Variants in HECW2 observed in about 807,000 individuals in gnomAD.
HECW2 encodes the protein E3 ubiquitin-protein ligase HECW2.
Under a neutral mutation model 175.2 loss-of-function variants are expected in HECW2, and 61 were observed. That is an observed-to-expected ratio of 0.35 (90% confidence interval 0.28 to 0.43). The LOEUF (loss-of-function observed/expected upper bound fraction) is 0.43, where lower values mean the gene tolerates loss of function less well. HECW2 is among the 20% of genes least tolerant of loss of function. The probability of loss-of-function intolerance (pLI) is 1.00; values close to 1 mark genes in which losing one functional copy is unlikely to be tolerated. For missense variants in HECW2, 1,524 were observed against 2,000.5 expected, an observed-to-expected ratio of 0.76 and a Z score of 4.54; for synonymous variants, 671 against 731.0, an observed-to-expected ratio of 0.92 and a Z score of 1.32.
rs781547847 is a variant in HECW2 at position 196,319,436 on chromosome 2, T to G, written c.1454A>C (p.Glu485Ala). 2 of 1,613,694 alleles carry G rather than the reference T, an allele frequency of 1.2e-6. No individual in the cohort carries two copies. Among genetic ancestry groups the G allele is most frequent in the South Asian group, 2.2e-5 (2 of 91,008 alleles). The change falls in exon 9 of 29, where the codon GAG becomes GCG. Residue 485 changes from glutamate (E) to alanine (A), a missense_variant. By Grantham distance (107) the Glu-to-Ala change is moderately radical. This residue lies in a region of HECW2 where 604 missense variants were observed against 588.3 expected (regional missense o/e 1.03). Coordinates refer to ENST00000644978, the MANE Select transcript of HECW2 (RefSeq NM_001348768.2). Reference protein sequence around the residue: ...DLGYPSSLEEEGGLIMFSRAS... With the variant: ...DLGYPSSLEEAGGLIMFSRAS... Reference sequence around the variant, plus strand: ...CCTGCTAAACATGATCAGGCCTCCCTCCTCCTCCAAGGAAGATGGGTAACC... The same window carrying G: ...CCTGCTAAACATGATCAGGCCTCCCGCCTCCTCCAAGGAAGATGGGTAACC...
At chr2:196,405,305 C>T (rs1694937136) in intron 2 of HECW2, among the ~76,000 whole-genome samples, 1 of 152,142 alleles carries the variant, frequency 6.6e-6, no homozygotes, top group Admixed American at 6.5e-5. Context: ...ACTTTAGACT[C>T]AGGACCACAA....
chr2:196,294,034 T>A (rs1181957650), intron 13 of HECW2, among the ~76,000 whole-genome samples: 1 of 152,192 alleles, frequency 6.6e-6, no homozygotes, highest in Non-Finnish European at 1.5e-5. Flanking sequence ...TTTTTCTTTT[T>A]TTCTCTTTTT....
chr2:196,408,612 C>T (rs189885509), intron 2 of HECW2, among the ~76,000 whole-genome samples: 1 of 152,288 alleles, frequency 6.6e-6, no homozygotes. Flanking sequence ...AGAAATTCTA[C>T]ACCCCTCCAT....
At chr2:196,278,133 A>ATATATATATAGATATATATATATATAT (rs1553489735) in intron 15 of HECW2, among the ~76,000 whole-genome samples, 1 of 66,552 alleles carries the variant, frequency 1.5e-5, no homozygotes, top group Admixed American at 2.2e-4. Flanking sequence ...ATAATTAAAA[A>ATATATATATAGATATATATATATATAT]ATATATATAT....
chr2:196,476,474 C>T (rs1686624876), intron 1 of HECW2, among the ~76,000 whole-genome samples: 2 of 149,574 alleles, frequency 1.3e-5, no homozygotes, highest in Non-Finnish European at 3.0e-5. Context: ...GCGACAATGG[C>T]ACATCTATCA....
intron 1 of HECW2, among the ~76,000 whole-genome samples, chr2:196,545,681 C>A (rs1370112174): frequency 6.6e-6 from 1 of 152,244 alleles, no homozygotes; most frequent in Non-Finnish European, 1.5e-5. Context: ...TCAATCCGTT[C>A]TGGCAGGACT....
At chr2:196,560,889 G>A (rs968362483) in intron 1 of HECW2, among the ~76,000 whole-genome samples, 2 of 152,176 alleles carry the variant, frequency 1.3e-5, no homozygotes, top group Non-Finnish European at 2.9e-5. Flanking sequence ...ATCTTCGTAA[G>A]CTGAGGATGT....
At chr2:196,309,490 A>G (rs915037283) in intron 10 of HECW2, among the ~76,000 whole-genome samples, 6 of 152,224 alleles carry the variant, frequency 3.9e-5, no homozygotes, top group African/African-American at 1.4e-4. Flanking sequence ...GCCTGTTGAT[A>G]TGCTCACAAA....
intron 2 of HECW2, among the ~76,000 whole-genome samples, chr2:196,415,044 C>T (rs986126705): frequency 1.3e-5 from 2 of 152,108 alleles, no homozygotes; most frequent in Non-Finnish European, 2.9e-5. Flanking sequence ...AAGTGAGATG[C>T]CTCACTGTCC....
intron 1 of HECW2, among the ~76,000 whole-genome samples, chr2:196,527,235 A>C (rs1017504605): frequency 3.9e-5 from 6 of 152,110 alleles, no homozygotes; most frequent in African/African-American, 1.4e-4. Context: ...GGAGTGACCC[A>C]ATTTTCCAGG....
intron 6 of HECW2, among the ~76,000 whole-genome samples, chr2:196,323,177 G>C (rs371038369): frequency 5.9e-5 from 9 of 152,234 alleles, no homozygotes; most frequent in African/African-American, 2.2e-4. Context: ...AGTTTAAAAG[G>C]CATACAGGGT....
intron 1 of HECW2, among the ~76,000 whole-genome samples, chr2:196,466,743 C>A (rs1021173160): frequency 2.0e-5 from 3 of 152,130 alleles, no homozygotes; most frequent in Non-Finnish European, 4.4e-5. Flanking sequence ...AGGGGAATTA[C>A]TGAATAGGCA....
chr2:196,237,936 T>C (rs1688312120), intron 21 of HECW2, among the ~76,000 whole-genome samples: 1 of 152,250 alleles, frequency 6.6e-6, no homozygotes. Flanking sequence ...CTAAAAACCT[T>C]GATTCTTAGA....
At chr2:196,459,667 A>G (rs996245225) in intron 1 of HECW2, among the ~76,000 whole-genome samples, 7 of 152,048 alleles carry the variant, frequency 4.6e-5, no homozygotes, top group African/African-American at 1.7e-4. Context: ...ATGTCAATCA[A>G]CCTCCTGAAA....
At chr2:196,297,678 C>G (rs553867352) in intron 13 of HECW2, among the ~76,000 whole-genome samples, 40 of 152,286 alleles carry the variant, frequency 2.6e-4, no homozygotes, top group African/African-American at 9.4e-4. Context: ...AAGCCTTCAT[C>G]AAGAATAGGC....
chr2:196,587,642 T>A (rs1347583848), intron 1 of HECW2, among the ~76,000 whole-genome samples: 1 of 152,176 alleles, frequency 6.6e-6, no homozygotes, highest in African/African-American at 2.4e-5. Flanking sequence ...AATATTCTTT[T>A]AACAAATAAA....
At chr2:196,238,235 C>T (rs1325369812) in intron 21 of HECW2, among the ~76,000 whole-genome samples, 2 of 151,936 alleles carry the variant, frequency 1.3e-5, no homozygotes, top group Non-Finnish European at 2.9e-5. Context: ...TCTCAAAAAA[C>T]AAAACAAAAC....
chr2:196,282,211 T>C (rs959594876), intron 14 of HECW2, among the ~76,000 whole-genome samples: 7 of 152,196 alleles, frequency 4.6e-5, no homozygotes, highest in Non-Finnish European at 8.8e-5. Context: ...ATGTAAAACA[T>C]AGTACTTCTG....
At chr2:196,459,296 A>G (rs1359866679) in intron 1 of HECW2, among the ~76,000 whole-genome samples, 1 of 152,176 alleles carries the variant, frequency 6.6e-6, no homozygotes, top group Non-Finnish European at 1.5e-5. Context: ...TGAGAAATAC[A>G]GAAGTGGGCT....
Sources: allele counts gnomAD v4.1 joint callset (sites outside exome capture counted in the v4.1 genomes callset), GRCh38; gene constraint gnomAD v4.1.1; regional missense constraint gnomAD v4.1.1; transcripts MANE v1.5; gene names NCBI Gene and HGNC (gene_info 2026-07-23, HGNC 2026-07-21).